The following TRIM31 variants were observed in gnomAD, a reference collection of about 807,000 sequenced individuals.
TRIM31 encodes the protein E3 ubiquitin-protein ligase TRIM31.
In TRIM31, 31 loss-of-function variants were observed where a neutral mutation model predicts 40.6. The observed-to-expected ratio is 0.76, with a 90% confidence interval of 0.57 to 1.03. The LOEUF (loss-of-function observed/expected upper bound fraction) is 1.03. Among genes scored for constraint, TRIM31 ranks in the 50% least tolerant of loss-of-function variants. The pLI is 0.00. For synonymous variants in TRIM31, 164 were observed against 193.9 expected (o/e 0.85, Z 1.28); for missense variants, 455 against 497.5 (o/e 0.91, Z 0.81).
In TRIM31 at chr6:30,105,248, G is replaced by A; in HGVS notation, c.884-6C>T. ...CCTATCAGCCTGGAGTTGGTCTGGG[G>A]AATAAAGAATGGGATGAAATGGTGA... On this transcript the variant is annotated splice_polypyrimidine_tract_variant and splice_region_variant and intron_variant, in intron 6 of 8. Transcript: ENST00000376734. 6.2e-7 allele frequency: 1 copy of A among 1,611,084 alleles called. No homozygotes were observed. Among genetic ancestry groups the A allele is most frequent in the Non-Finnish European group, 8.5e-7 (1 of 1,178,732 alleles).
chr6:30,104,319 C>G, intron 7 of TRIM31, 152 bp from the exon 8 acceptor site: 6 of 745,200 alleles, frequency 8.1e-6, no homozygotes, highest in Admixed American at 2.5e-5. Context: ...GGAAACCTTT[C>G]AGGTTGTCTC....
At chr6:30,109,793 C>T (rs1769106803) in intron 4 of TRIM31, among the ~76,000 whole-genome samples, 1 of 151,856 alleles carries the variant, frequency 6.6e-6, no homozygotes, top group Admixed American at 6.6e-5. Context: ...GCCTAGGAGG[C>T]GGAAGTTGTA....
At chr6:30,105,494 A>G (rs1205262307) in intron 6 of TRIM31, 4 of 308,252 alleles carry the variant, frequency 1.3e-5, no homozygotes, top group Non-Finnish European at 2.3e-5. Context: ...AATGTGAGCC[A>G]CTTATATATT....
chr6:30,111,540 A>C, intron 3 of TRIM31, 108 bp downstream of exon 3: 1 of 1,130,650 alleles, frequency 8.8e-7, no homozygotes, highest in Non-Finnish European at 1.3e-6. Context: ...CGAGGAGAGG[A>C]CATGGCTCAC....
intron 3 of TRIM31, 124 bp downstream of exon 3, chr6:30,111,524 A>C: frequency 1.1e-6 from 1 of 948,864 alleles, no homozygotes; most frequent in East Asian, 2.4e-5. Context: ...TCAGGTGCTG[A>C]GGCGCCGAGG....
intron 2 of TRIM31, chr6:30,112,054 T>A: frequency 1.8e-6 from 1 of 547,416 alleles, no homozygotes; most frequent in Non-Finnish European, 3.2e-6. Context: ...AGTTGTTTTG[T>A]TTTTGCCATT....
chr6:30,105,069 AC>A, intron 7 of TRIM31, 98 bp downstream of exon 7: 1 of 1,037,630 alleles, frequency 9.6e-7, no homozygotes, highest in Non-Finnish European at 1.4e-6. Context: ...ATCGGCATTC[AC>A]TTATATCTGG....
chr6:30,110,753 A>C, intron 3 of TRIM31, 75 bp from the exon 4 acceptor site: 2 of 1,393,594 alleles, frequency 1.4e-6, no homozygotes, highest in Non-Finnish European at 2.0e-6. Flanking sequence ...TCAGCCATTA[A>C]TTTTATTAAG....
In TRIM31 at chr6:30,112,180, T is replaced by A. The variant is rs9501424; in HGVS notation, c.417+209A>T. The A allele has an allele frequency of 2.7e-4, 162 of 597,170 alleles. 1 individual carries two copies. In the African/African-American group the frequency reaches 2.9e-3, roughly 11 times the overall value. The allele number at this position is 597,170 out of a possible 1,614,324, so 37.0% of individuals were successfully genotyped here. On this transcript the variant is annotated intron_variant, in intron 2 of 8. Coordinates refer to ENST00000376734, the MANE Select transcript of TRIM31 (RefSeq NM_007028.5). ...TTCTGAGTCAAATTTTCACATCCTT[T>A]CCATTCTCCATTGCACCTTGATTTA...
chr6:30,106,545 C>G (rs1170385077), intron 6 of TRIM31, among the ~76,000 whole-genome samples: 1 of 151,702 alleles, frequency 6.6e-6, no homozygotes, highest in African/African-American at 2.4e-5. Flanking sequence ...TTAATAGGGC[C>G]AGGTGGCCAT....
chr6:30,107,150 A>G (rs1768795270), intron 6 of TRIM31, among the ~76,000 whole-genome samples: 1 of 152,202 alleles, frequency 6.6e-6, no homozygotes, highest in East Asian at 1.9e-4. Flanking sequence ...ATCGGCTGAG[A>G]TCATGCCCAG....
At chr6:30,110,724 T>C (rs777119910) in intron 3 of TRIM31, 46 bp from the exon 4 acceptor site, 13 of 1,563,582 alleles carry the variant, frequency 8.3e-6, no homozygotes, top group Middle Eastern at 1.7e-4. Context: ...GCCTCGAAGG[T>C]CCTTCTAGCC....
chr6:30,105,137 C>T (rs1470206573), intron 7 of TRIM31, 31 bp downstream of exon 7: 8 of 1,596,288 alleles, frequency 5.0e-6, no homozygotes, highest in Non-Finnish European at 6.9e-6. Flanking sequence ...CCCCAAATGG[C>T]AGAAGCAACC....
Position 30,112,646 on chromosome 6 carries a change from G to C in TRIM31, c.160C>G (p.Pro54Ala). The C allele has an allele frequency of 6.2e-7, 1 of 1,613,098 alleles. No homozygotes were observed. The highest frequency in any genetic ancestry group is 8.5e-7 in the Non-Finnish European group (1 of 1,180,048). Residue 54 changes from proline (P) to alanine (A), a missense_variant, in exon 2 of 9, where the codon CCC (proline) becomes GCC (alanine). Pro to Ala is a conservative substitution (Grantham distance 27). Coordinates refer to ENST00000376734, the MANE Select transcript of TRIM31 (RefSeq NM_007028.5). The part of the protein sequence containing the change: ...GETSCGFFKC[P>A]LCKTSVRKNA... ...TTCCTTACGGAAGTTTTGCAGAGGG[G>C]ACATTTGAAAAATCCACATGATGTT...
At chr6:30,111,932 C>T in intron 2 of TRIM31, 189 bp from the exon 3 acceptor site, 2 of 615,768 alleles carry the variant, frequency 3.2e-6, no homozygotes, top group Non-Finnish European at 5.7e-6. Flanking sequence ...CCTAAGTGAC[C>T]TAAATGACCA....
intron 6 of TRIM31, 53 bp downstream of exon 6, chr6:30,108,000 G>T: frequency 8.4e-7 from 1 of 1,190,102 alleles, no homozygotes. Flanking sequence ...GAGTGAGCAG[G>T]GAGAGAATCT....
intron 3 of TRIM31, among the ~76,000 whole-genome samples, chr6:30,111,030 CTTTT>C (rs9278578): frequency 7.9e-5 from 9 of 114,288 alleles, no homozygotes; most frequent in Non-Finnish European, 1.2e-4. Flanking sequence ...TTCCTTCTGT[CTTTT>C]TTTTTTTTTT....
intron 2 of TRIM31, 66 bp from the exon 3 acceptor site, chr6:30,111,809 G>A (rs2127393747): frequency 6.8e-7 from 1 of 1,463,114 alleles, no homozygotes; most frequent in Non-Finnish European, 9.6e-7. Flanking sequence ...AATCCTCCTG[G>A]TCTCTTAGGA....
rs370609884 is a variant in TRIM31, at chr6:30,106,282, G to A, written c.884-1040C>T. On this transcript the variant is annotated intron_variant, in intron 6 of 8. Transcript: ENST00000376734. ...CCCTGAGAGCCACCAGCCCAGTCAT[G>A]GGGACTGCTCAGGGGAGACGCGGGG... Among the ~76,000 whole-genome samples, 33 of 152,328 alleles carry A rather than the reference G, an allele frequency of 2.2e-4. 3 individuals carry two copies. The East Asian group carries it at 2.5e-3, about 12-fold the overall frequency.
Sources: gnomAD v4.1 joint callset for allele counts (sites outside exome capture counted in the v4.1 genomes callset) on GRCh38, gnomAD v4.1.1 for gene constraint, MANE v1.5 for transcripts, NCBI Gene and HGNC (gene_info 2026-07-23, HGNC 2026-07-21) for gene names.